CTNND2: variants seen among roughly 807,000 people sequenced by gnomAD.
CTNND2 encodes catenin delta 2, also known as catenin delta-2.
CTNND2 carries 22 observed loss-of-function variants against 144.4 expected under a neutral mutation model. That is an observed-to-expected ratio of 0.15 (90% CI 0.11 to 0.22). The LOEUF is 0.22. CTNND2 is among the 10% of genes least tolerant of loss of function. The pLI is 1.00. For synonymous variants in CTNND2, 751 were observed against 695.6 expected (o/e 1.08, Z -1.25); for missense variants, 1,353 against 1,618.8 (o/e 0.84, Z 2.82).
At chr5:11,830,468 A>G (rs1793837599) in intron 1 of CTNND2, among the ~76,000 whole-genome samples, 1 of 152,080 alleles carries the variant, frequency 6.6e-6, no homozygotes, top group Non-Finnish European at 1.5e-5. Flanking sequence ...ATGGTTTTTA[A>G]AAGGGGATTT....
intron 2 of CTNND2, among the ~76,000 whole-genome samples, chr5:11,590,303 G>A (rs889335140): frequency 1.2e-4 from 18 of 151,986 alleles, no homozygotes; most frequent in Admixed American, 3.9e-4. Context: ...TTGGCCTCCC[G>A]AAGTGCTGGG....
chr5:11,211,606 G>A (rs1303747980), intron 10 of CTNND2, among the ~76,000 whole-genome samples: 1 of 152,230 alleles, frequency 6.6e-6, no homozygotes, highest in Admixed American at 6.5e-5. Context: ...AATCATCACA[G>A]CAGTAGTTTT....
chr5:11,812,941 A>G (rs1227899576), intron 1 of CTNND2, among the ~76,000 whole-genome samples: 2 of 152,248 alleles, frequency 1.3e-5, no homozygotes, highest in African/African-American at 4.8e-5. Flanking sequence ...GTGTATGCAA[A>G]AGTAACCCAA....
chr5:11,301,422 G>A (rs1403159000), intron 9 of CTNND2, among the ~76,000 whole-genome samples: 6 of 152,026 alleles, frequency 3.9e-5, no homozygotes, highest in Non-Finnish European at 5.9e-5. Flanking sequence ...AGATTCCAAC[G>A]TGTGTGTGTG....
intron 1 of CTNND2, among the ~76,000 whole-genome samples, chr5:11,818,179 GGACATTTATTGATTATGACATGTCTA>G (rs1243404481): frequency 6.6e-6 from 1 of 151,900 alleles, no homozygotes; most frequent in African/African-American, 2.4e-5. Flanking sequence ...ATGGAAAAAA[GGACATTTATTGATTATGACATGTCTA>G]GACATTATCA....
intron 10 of CTNND2, among the ~76,000 whole-genome samples, chr5:11,227,791 T>C (rs1042894396): frequency 1.3e-5 from 2 of 152,170 alleles, no homozygotes; most frequent in Admixed American, 6.5e-5. Context: ...TTATTATAAA[T>C]GATATAAGTA....
At chr5:11,770,243 T>G (rs1263022393) in intron 1 of CTNND2, among the ~76,000 whole-genome samples, 3 of 152,100 alleles carry the variant, frequency 2.0e-5, no homozygotes, top group Non-Finnish European at 4.4e-5. Context: ...TTTCAAAACA[T>G]GGAACTAATA....
chr5:11,387,997 C>T (rs914829167), intron 6 of CTNND2, among the ~76,000 whole-genome samples: 1 of 152,140 alleles, frequency 6.6e-6, no homozygotes, highest in Non-Finnish European at 1.5e-5. Flanking sequence ...TTCTTAAATG[C>T]ACCCCAAATC....
intron 16 of CTNND2, among the ~76,000 whole-genome samples, chr5:11,048,029 G>A (rs1332740330): frequency 6.6e-6 from 1 of 152,082 alleles, no homozygotes; most frequent in Non-Finnish European, 1.5e-5. Context: ...TGCTTCTGCT[G>A]GCCGCTTCAC....
chr5:11,079,356 G>T (rs1448650681), intron 16 of CTNND2, among the ~76,000 whole-genome samples: 1 of 145,144 alleles, frequency 6.9e-6, no homozygotes, highest in Non-Finnish European at 1.5e-5. Flanking sequence ...CAGGCTGCCA[G>T]ATTTCATGCT....
intron 9 of CTNND2, among the ~76,000 whole-genome samples, chr5:11,290,152 C>T (rs968883824): frequency 1.1e-4 from 16 of 152,224 alleles, no homozygotes; most frequent in East Asian, 5.8e-4. Context: ...CATGGTTTTA[C>T]AATAACGATG....
At chr5:11,789,893 A>G (rs1016517255) in intron 1 of CTNND2, among the ~76,000 whole-genome samples, 1 of 152,146 alleles carries the variant, frequency 6.6e-6, no homozygotes, top group Admixed American at 6.5e-5. Flanking sequence ...TTCTGCTAAG[A>G]GATTTGTTTT....
chr5:11,786,489 T>G (rs1292599525), intron 1 of CTNND2, among the ~76,000 whole-genome samples: 1 of 152,214 alleles, frequency 6.6e-6, no homozygotes, highest in African/African-American at 2.4e-5. Context: ...TCTACAGAGA[T>G]GTTCTGAAAA....
chr5:11,537,512 G>A (rs1774328098), intron 3 of CTNND2, among the ~76,000 whole-genome samples: 1 of 152,048 alleles, frequency 6.6e-6, no homozygotes, highest in African/African-American at 2.4e-5. Context: ...CTCTTCTCAG[G>A]TATTGTAGGA....
intron 9 of CTNND2, among the ~76,000 whole-genome samples, chr5:11,317,184 A>G (rs999050577): frequency 2.0e-5 from 3 of 152,232 alleles, no homozygotes; most frequent in African/African-American, 7.2e-5. Context: ...CGCATCTTAC[A>G]GGTTAAGAAA....
At chr5:11,779,596 C>T (rs529133283) in intron 1 of CTNND2, among the ~76,000 whole-genome samples, 3 of 152,262 alleles carry the variant, frequency 2.0e-5, no homozygotes, top group South Asian at 2.1e-4. Context: ...CAAGTCACTT[C>T]GATGGAGATC....
intron 9 of CTNND2, among the ~76,000 whole-genome samples, chr5:11,283,534 T>A (rs1747379762): frequency 6.6e-6 from 1 of 150,406 alleles, no homozygotes; most frequent in African/African-American, 2.4e-5. Context: ...ATTAGCGGGG[T>A]GTGGTGGCAC....
intron 2 of CTNND2, among the ~76,000 whole-genome samples, chr5:11,586,509 C>A (rs1778872585): frequency 6.6e-6 from 1 of 152,196 alleles, no homozygotes; most frequent in Non-Finnish European, 1.5e-5. Context: ...CGTTAATAAG[C>A]TACCTGTAGA....
intron 9 of CTNND2, among the ~76,000 whole-genome samples, chr5:11,299,294 C>A (rs1749329870): frequency 6.6e-6 from 1 of 152,130 alleles, no homozygotes; most frequent in African/African-American, 2.4e-5. Context: ...CTGTCATAGG[C>A]AAGCATATGT....
Sources: gnomAD v4.1 joint callset for allele counts (sites outside exome capture counted in the v4.1 genomes callset) on GRCh38, gnomAD v4.1.1 for gene constraint, MANE v1.5 for transcripts, NCBI Gene and HGNC (gene_info 2026-07-23, HGNC 2026-07-21) for gene names.